RYR2: variants seen among roughly 807,000 people sequenced by gnomAD.
The protein encoded by RYR2 is ryanodine receptor 2, also known as cardiac muscle ryanodine receptor-calcium release channel.
In RYR2, 227 loss-of-function variants were observed where a neutral mutation model predicts 601.1. The observed-to-expected ratio is 0.38, with a 90% CI of 0.34 to 0.42. The LOEUF (loss-of-function observed/expected upper bound fraction) is 0.42. RYR2 is among the 10% of genes least tolerant of loss of function. The pLI is 1.00. For missense variants in RYR2, 4,646 were observed against 6,156.5 expected (o/e 0.75, Z 8.21); for synonymous variants, 2,223 against 2,175.1 (o/e 1.02, Z -0.61).
chr1:237,574,956 A>G (rs1673078611), intron 29 of RYR2, among the ~76,000 whole-genome samples: 1 of 152,164 alleles, frequency 6.6e-6, no homozygotes, highest in African/African-American at 2.4e-5. Context: ...TTAAATGGCT[A>G]AGTTTGTGGT....
intron 4 of RYR2, among the ~76,000 whole-genome samples, chr1:237,357,040 G>C (rs1699356034): frequency 6.8e-6 from 1 of 147,080 alleles, no homozygotes; most frequent in Admixed American, 6.8e-5. Context: ...ACAATTTCAT[G>C]TTCTCTTGTC....
rs1209033509 is a variant in RYR2, at chr1:237,791,478, T to C, written c.13526T>C (p.Val4509Ala). The C allele has an allele frequency of 1.3e-6, 2 of 1,574,984 alleles. No individual in the cohort carries two copies. Among genetic ancestry groups the C allele is most frequent in the South Asian group, 2.3e-5 (2 of 86,494 alleles). ...AACATGAGAATGTTAGCCTTATTTG[T>C]CGCATTTGCTATCAATTTCATCTTG... The part of the protein sequence containing the change: ...FYNMRMLALF[V>A]AFAINFILLF... Residue 4509 changes from valine to alanine, a missense_variant, in exon 93 of 105, where the codon GTC becomes GCC. Physicochemically the swap from Val to Ala is moderately conservative, Grantham distance 64 (BLOSUM62 0). This residue lies in a region of RYR2 where 364 missense variants were observed against 442.9 expected (regional missense o/e 0.82). Coordinates refer to ENST00000366574, the MANE Select transcript of RYR2 (RefSeq NM_001035.3).
At chr1:237,289,892 A>G (rs1281008064) in intron 2 of RYR2, among the ~76,000 whole-genome samples, 1 of 152,234 alleles carries the variant, frequency 6.6e-6, no homozygotes, top group Non-Finnish European at 1.5e-5. Flanking sequence ...AAACTATTTT[A>G]GTTGCACATG....
chr1:237,709,326 T>C (rs1242233576), intron 69 of RYR2, among the ~76,000 whole-genome samples, 154 bp from the exon 70 acceptor site: 1 of 152,214 alleles, frequency 6.6e-6, no homozygotes, highest in East Asian at 1.9e-4. Flanking sequence ...TTGACAGTTA[T>C]GATGTTTAAA....
chr1:237,634,373 A>T (rs10925479), intron 43 of RYR2, among the ~76,000 whole-genome samples: 60,120 of 151,940 alleles, frequency 0.4, 12,277 homozygotes, highest in African/African-American at 0.5. Context: ...GAAAGACAAA[A>T]ACCACATGAT....
At chr1:237,633,461 A>G in intron 42 of RYR2, 117 bp from the exon 43 acceptor site, 1 of 1,193,044 alleles carries the variant, frequency 8.4e-7, no homozygotes. Context: ...TGGTATCTGA[A>G]GTTTGGCACA....
chr1:237,141,345 A>G (rs1248327027), intron 1 of RYR2, among the ~76,000 whole-genome samples: 1 of 152,166 alleles, frequency 6.6e-6, no homozygotes, highest in Non-Finnish European at 1.5e-5. Flanking sequence ...TTGTTTGGTG[A>G]GAATTTTTAT....
intron 25 of RYR2, among the ~76,000 whole-genome samples, chr1:237,532,933 T>G (rs1433189546): frequency 2.0e-5 from 3 of 152,202 alleles, no homozygotes; most frequent in Admixed American, 6.5e-5. Context: ...CATGTCCCCA[T>G]GACAATCATC....
At chr1:237,580,444 A>C (rs1673781736) in intron 29 of RYR2, among the ~76,000 whole-genome samples, 1 of 148,388 alleles carries the variant, frequency 6.7e-6, no homozygotes, top group Admixed American at 6.9e-5. Context: ...GGCGTGAGCC[A>C]CTGCGCCAGG....
At position 237,707,140 on chromosome 1, in the gene RYR2, C is replaced by T. The variant is rs368028300; in HGVS notation, c.9772C>T (p.Pro3258Ser). The T allele has an allele frequency of 1.4e-5, 23 of 1,613,700 alleles. No homozygotes were observed. The highest frequency in any genetic ancestry group is 1.6e-5 in the Non-Finnish European group (19 of 1,179,848). The change falls in exon 68 of 105, where the codon CCA (proline) becomes TCA (serine). Residue 3258 changes from proline (P) to serine (S), a missense_variant. By Grantham distance (74) the Pro-to-Ser change is moderately conservative (BLOSUM62 -1). This residue lies in a region of RYR2 where 1,497 missense variants were observed against 1,842.6 expected (regional missense o/e 0.81). Coordinates refer to ENST00000366574, the MANE Select transcript of RYR2 (RefSeq NM_001035.3). ...RWWEHGPENN[P>S]ERAEMCCTAL... ...GTGGGAGCATGGACCTGAGAACAAT[C>T]CAGAACGGGCCGAGATGTGCTGCAC...
At chr1:237,593,669 A>G in intron 33 of RYR2, 33 bp downstream of exon 33, 1 of 1,609,636 alleles carries the variant, frequency 6.2e-7, no homozygotes. Flanking sequence ...CAAGAATGAC[A>G]TGTGAAAAAA....
intron 85 of RYR2, 116 bp from the exon 86 acceptor site, chr1:237,771,896 A>G: frequency 1.5e-6 from 1 of 645,774 alleles, no homozygotes. Context: ...TTAGATAAAA[A>G]CACTGCACTA....
chr1:237,082,524 C>T (rs1311937088), intron 1 of RYR2, among the ~76,000 whole-genome samples: 6 of 80,002 alleles, frequency 7.5e-5, no homozygotes, highest in South Asian at 5.2e-4. Context: ...AATAGGAAAA[C>T]ATATATATAT....
rs1700979824 is a variant in RYR2 at position 237,375,751 on chromosome 1, T to C, written c.463+956T>C. Among the ~76,000 whole-genome samples the C allele has an allele frequency of 5.9e-5, 9 of 152,328 alleles. No individual in the cohort carries two copies. In the South Asian group the frequency reaches 1.7e-3, roughly 28 times the overall value. ...AGGCTCTATCATTCCTCTGTATTTT[T>C]GCTAGTTTTTTAGTTTTCTTATTCT... On this transcript the variant is annotated intron_variant, in intron 7 of 104. Coordinates refer to ENST00000366574, the MANE Select transcript of RYR2 (RefSeq NM_001035.3).
At chr1:237,160,533 T>G (rs1389021971) in intron 1 of RYR2, among the ~76,000 whole-genome samples, 1 of 152,034 alleles carries the variant, frequency 6.6e-6, no homozygotes, top group Non-Finnish European at 1.5e-5. Flanking sequence ...ATGTCTGGGT[T>G]TTTTTTGGTG....
chr1:237,571,562 G>A (rs1043309241), intron 29 of RYR2, among the ~76,000 whole-genome samples: 2 of 151,960 alleles, frequency 1.3e-5, no homozygotes, highest in African/African-American at 2.4e-5. Context: ...TGATCCACCC[G>A]CCTCGGCCTC....
chr1:237,139,692 A>T (rs1166597815), intron 1 of RYR2, among the ~76,000 whole-genome samples: 5 of 152,198 alleles, frequency 3.3e-5, no homozygotes, highest in African/African-American at 1.2e-4. Context: ...GTTTATGACT[A>T]GAGTCACCTC....
chr1:237,445,085 G>A (rs947777896), intron 13 of RYR2, among the ~76,000 whole-genome samples: 2 of 152,048 alleles, frequency 1.3e-5, no homozygotes, highest in Admixed American at 1.3e-4. Flanking sequence ...AGGTGATGGG[G>A]GCTTGTAATT....
At chr1:237,600,302 C>T (rs898910680) in intron 34 of RYR2, among the ~76,000 whole-genome samples, 12 of 152,040 alleles carry the variant, frequency 7.9e-5, no homozygotes, top group African/African-American at 2.9e-4. Context: ...AAACACCTAT[C>T]CATATCCAAC....
Sources: allele counts gnomAD v4.1 joint callset (sites outside exome capture counted in the v4.1 genomes callset), GRCh38; gene constraint gnomAD v4.1.1; regional missense constraint gnomAD v4.1.1; transcripts MANE v1.5; gene names NCBI Gene and HGNC (gene_info 2026-07-23, HGNC 2026-07-21).